The following OSBPL1A variants were observed in gnomAD, a reference collection of about 807,000 sequenced individuals.
OSBPL1A encodes the protein oxysterol-binding protein-related protein 1.
A neutral mutation model predicts 137.1 loss-of-function variants in OSBPL1A; 80 were observed. That is an observed-to-expected ratio of 0.58 (90% confidence interval 0.49 to 0.70). OSBPL1A has a LOEUF of 0.70. OSBPL1A is among the 30% of genes least tolerant of loss of function. The pLI, the probability that OSBPL1A is intolerant of heterozygous loss-of-function variation, is 0.00. For synonymous variants in OSBPL1A, 365 were observed against 389.7 expected (o/e 0.94, Z 0.75); for missense variants, 970 against 1,129.4 (o/e 0.86, Z 2.02).
At chr18:24,187,210 AGAATGGTGGTTGCCGGGCTGAT>A (rs1280782866) in intron 18 of OSBPL1A, among the ~76,000 whole-genome samples, 7 of 152,162 alleles carry the variant, frequency 4.6e-5, no homozygotes, top group African/African-American at 1.7e-4. Flanking sequence ...AACAGAGAGT[AGAATGGTGGTTGCCGGGCTGAT>A]GAAGGGGAAG....
At chr18:24,235,104 C>A (rs957924573) in intron 16 of OSBPL1A, among the ~76,000 whole-genome samples, 3 of 152,136 alleles carry the variant, frequency 2.0e-5, no homozygotes, top group East Asian at 1.9e-4. Context: ...CAATGAGAAA[C>A]CACTGAAAAA....
intron 24 of OSBPL1A, among the ~76,000 whole-genome samples, chr18:24,169,891 G>A (rs576072457): frequency 1.3e-5 from 2 of 152,286 alleles, no homozygotes; most frequent in East Asian, 1.9e-4. Flanking sequence ...CTTTAACTAC[G>A]ACCATCTTAA....
chr18:24,239,194 T>G (rs1229027374), intron 16 of OSBPL1A, 26 bp downstream of exon 16: 1 of 1,609,780 alleles, frequency 6.2e-7, no homozygotes, highest in East Asian at 2.2e-5. Flanking sequence ...TCACCAACAA[T>G]GCAGAGGGAA....
intron 4 of OSBPL1A, among the ~76,000 whole-genome samples, chr18:24,346,568 G>A (rs1036918594): frequency 6.6e-6 from 1 of 152,044 alleles, no homozygotes; most frequent in African/African-American, 2.4e-5. Context: ...CAAACAATAT[G>A]TGGCTTTTTG....
At chr18:24,207,206 C>G (rs1015510842) in intron 17 of OSBPL1A, among the ~76,000 whole-genome samples, 6 of 152,194 alleles carry the variant, frequency 3.9e-5, no homozygotes, top group South Asian at 2.1e-4. Context: ...GCCTCAGCCT[C>G]CCGAGTAGCT....
chr18:24,226,403 A>G (rs2088077901), intron 16 of OSBPL1A, among the ~76,000 whole-genome samples: 1 of 152,168 alleles, frequency 6.6e-6, no homozygotes, highest in Admixed American at 6.5e-5. Flanking sequence ...CAAACTTTAA[A>G]TGGTGCCTGA....
At chr18:24,352,646 G>C (rs905218506) in intron 4 of OSBPL1A, among the ~76,000 whole-genome samples, 6 of 151,676 alleles carry the variant, frequency 4.0e-5, no homozygotes, top group South Asian at 2.1e-4. Context: ...GGAGGCATCA[G>C]GCTACCTGAC....
chr18:24,170,299 C>G (rs773806557), intron 24 of OSBPL1A, 28 bp downstream of exon 24: 26 of 1,613,104 alleles, frequency 1.6e-5, no homozygotes, highest in Non-Finnish European at 2.2e-5. Context: ...CCAGTTATTC[C>G]TTCGATACCA....
At chr18:24,209,247 TACAA>T (rs2087464180) in intron 17 of OSBPL1A, among the ~76,000 whole-genome samples, 1 of 152,036 alleles carries the variant, frequency 6.6e-6, no homozygotes, top group South Asian at 2.1e-4. Flanking sequence ...TACAAAGACA[TACAA>T]ACAAATTTAA....
At chr18:24,230,508 T>C (rs190045273) in intron 16 of OSBPL1A, among the ~76,000 whole-genome samples, 6 of 152,262 alleles carry the variant, frequency 3.9e-5, no homozygotes, top group Admixed American at 3.3e-4. Flanking sequence ...CTAGCTATCA[T>C]GTTGGATGCA....
At chr18:24,228,021 C>G (rs567219689) in intron 16 of OSBPL1A, among the ~76,000 whole-genome samples, 1 of 152,010 alleles carries the variant, frequency 6.6e-6, no homozygotes, top group Non-Finnish European at 1.5e-5. Flanking sequence ...ACATTAAACA[C>G]GGAACAGTAA....
At chr18:24,166,943 C>CT (rs1313456085) in intron 25 of OSBPL1A, among the ~76,000 whole-genome samples, 1 of 152,182 alleles carries the variant, frequency 6.6e-6, no homozygotes, top group Admixed American at 6.5e-5. Context: ...TCATGATCAA[C>CT]TTTAAATAGA....
At chr18:24,197,475 G>A (rs1344727016) in intron 17 of OSBPL1A, among the ~76,000 whole-genome samples, 3 of 152,094 alleles carry the variant, frequency 2.0e-5, no homozygotes, top group Non-Finnish European at 2.9e-5. Context: ...TAATTAATTT[G>A]GATTATAGAA....
Position 24,366,943 on chromosome 18 carries a change from C to A in OSBPL1A, c.231G>T (p.Leu77Phe), listed in dbSNP as rs1326736178. The change falls in exon 4 of 28, where the codon TTG becomes TTT. Residue 77 changes from leucine to phenylalanine, a missense_variant. Physicochemically the swap from Leu to Phe is conservative, Grantham distance 22. Transcript: ENST00000319481. ...GAAGCGGCGTGTCTCCCATGTCATT[C>A]AACACATTCACTTCTGCACCAGCCT... ...LLKAGAEVNV[L>F]NDMGDTPLHR... 6.2e-7 allele frequency: 1 copy of A among 1,612,596 alleles called. No homozygotes were observed. Among genetic ancestry groups the A allele is most frequent in the Admixed American group, 1.7e-5 (1 of 59,836 alleles).
chr18:24,172,318 CCACT>C (rs2086308388), intron 22 of OSBPL1A, 54 bp downstream of exon 22: 31 of 1,224,770 alleles, frequency 2.5e-5, no homozygotes, highest in Non-Finnish European at 3.5e-5. Context: ...AAACTGATGT[CCACT>C]AAAACTGCTT....
chr18:24,181,211 T>C lies in OSBPL1A; in HGVS notation c.1746A>G (p.Glu582=), dbSNP rs1352923754. The C allele has an allele frequency of 6.2e-7, 1 of 1,614,022 alleles. No individual in the cohort carries two copies. The highest frequency in any genetic ancestry group is 1.7e-5 in the Admixed American group (1 of 60,006). Residue 582 remains glutamate (E), a synonymous_variant, in exon 19 of 28, where the codon GAA becomes GAG. Coordinates refer to ENST00000319481, the MANE Select transcript of OSBPL1A (RefSeq NM_080597.4). ...EPLSFLQRLT[E]YMEHTYLIHK... ...GGATGAGGTAAGTATGCTCCATGTA[T>C]TCAGTTAGGCGCTGTAGGAAGCTCA... is the stretch of plus-strand genomic sequence containing the variant.
chr18:24,243,837 C>T (rs1432370160), intron 15 of OSBPL1A, among the ~76,000 whole-genome samples: 1 of 152,206 alleles, frequency 6.6e-6, no homozygotes, highest in African/African-American at 2.4e-5. Context: ...CACAAAATGG[C>T]AATTTCTCCT....
chr18:24,251,569 T>C (rs557103957), intron 15 of OSBPL1A, among the ~76,000 whole-genome samples: 52 of 152,300 alleles, frequency 3.4e-4, no homozygotes, highest in Middle Eastern at 3.4e-3. Context: ...CCCAAGTCTC[T>C]TCGAATACCT....
intron 15 of OSBPL1A, among the ~76,000 whole-genome samples, chr18:24,254,765 T>C (rs2089220039): frequency 6.6e-6 from 1 of 151,960 alleles, no homozygotes; most frequent in Non-Finnish European, 1.5e-5. Flanking sequence ...ATGATTCACC[T>C]TAAAGAACTA....
Sources: allele counts gnomAD v4.1 joint callset (sites outside exome capture counted in the v4.1 genomes callset), GRCh38; gene constraint gnomAD v4.1.1; transcripts MANE v1.5; gene names NCBI Gene and HGNC (gene_info 2026-07-23, HGNC 2026-07-21).